SUGCT: variants seen among roughly 807,000 people sequenced by gnomAD.
SUGCT encodes the protein succinyl-CoA:glutarate CoA-transferase.
In SUGCT, 41 loss-of-function variants were observed where a neutral mutation model predicts 55.0. The ratio of observed to expected loss-of-function variants is 0.74; its 90% confidence interval spans 0.58 to 0.97. SUGCT has a LOEUF of 0.97. Among genes scored for constraint, SUGCT ranks in the 50% least tolerant of loss-of-function variants. The probability of loss-of-function intolerance (pLI) is 0.00; values close to 1 mark genes in which losing one functional copy is unlikely to be tolerated. For missense variants in SUGCT, 568 were observed against 547.8 expected (o/e 1.04, Z -0.37); for synonymous variants, 187 against 200.4 (o/e 0.93, Z 0.56).
chr7:40,456,072 A>T (rs567299920), intron 10 of SUGCT, among the ~76,000 whole-genome samples: 1 of 151,928 alleles, frequency 6.6e-6, no homozygotes, highest in African/African-American at 2.4e-5. Flanking sequence ...ATTGCCCAGG[A>T]TGGAGTGTAG....
chr7:40,189,370 C>G (rs1295626983), intron 4 of SUGCT, among the ~76,000 whole-genome samples, 174 bp from the exon 5 acceptor site: 3 of 140,536 alleles, frequency 2.1e-5, no homozygotes, highest in African/African-American at 8.1e-5. Context: ...AAAAGAAAAA[C>G]TTTTATGATA....
At chr7:40,633,701 C>T (rs1249449507) in intron 12 of SUGCT, among the ~76,000 whole-genome samples, 1 of 152,142 alleles carries the variant, frequency 6.6e-6, no homozygotes, top group South Asian at 2.1e-4. Flanking sequence ...GATTTAAAGG[C>T]TCATAAAGGT....
At chr7:40,971,656 A>G in the SUGCT span, among the ~76,000 whole-genome samples, 1 of 152,158 alleles carries the variant, frequency 6.6e-6, no homozygotes, top group African/African-American at 2.4e-5. Flanking sequence ...GGCACCTCAG[A>G]TTCTAAATGT....
intron 12 of SUGCT, among the ~76,000 whole-genome samples, chr7:40,650,469 A>G (rs1167602760): frequency 1.3e-5 from 2 of 152,104 alleles, no homozygotes; most frequent in Admixed American, 6.5e-5. Flanking sequence ...GAGGAATCCA[A>G]CACTAAAGGT....
intron 8 of SUGCT, among the ~76,000 whole-genome samples, chr7:40,300,925 C>T (rs1352656485): frequency 6.6e-6 from 1 of 152,112 alleles, no homozygotes; most frequent in Non-Finnish European, 1.5e-5. Flanking sequence ...AAGTGATGGC[C>T]ATAAAATGGC....
chr7:40,380,624 A>G (rs1784823576), intron 9 of SUGCT, among the ~76,000 whole-genome samples: 1 of 152,086 alleles, frequency 6.6e-6, no homozygotes, highest in Non-Finnish European at 1.5e-5. Flanking sequence ...GGGGGATTTC[A>G]CTGAGAATTA....
chr7:40,453,974 A>C (rs1789331187), intron 10 of SUGCT, among the ~76,000 whole-genome samples: 1 of 152,202 alleles, frequency 6.6e-6, no homozygotes, highest in South Asian at 2.1e-4. Context: ...ATGAAGAAGA[A>C]CCAAAAGGAA....
intron 6 of SUGCT, among the ~76,000 whole-genome samples, chr7:40,195,367 C>T (rs1786201518): frequency 6.6e-6 from 1 of 151,586 alleles, no homozygotes; most frequent in African/African-American, 2.4e-5. Flanking sequence ...GATTACCAGG[C>T]ACGCGCCACC....
At chr7:40,915,274 C>A in the SUGCT span, among the ~76,000 whole-genome samples, 1 of 152,036 alleles carries the variant, frequency 6.6e-6, no homozygotes, top group African/African-American at 2.4e-5. Context: ...GACAGAGCAC[C>A]GGTCTTATCA....
chr7:40,733,465 C>G (rs985122071), intron 12 of SUGCT, among the ~76,000 whole-genome samples: 1 of 152,202 alleles, frequency 6.6e-6, no homozygotes, highest in Non-Finnish European at 1.5e-5. Flanking sequence ...CCCATCCACA[C>G]AAATTCCCAG....
intron 13 of SUGCT, among the ~76,000 whole-genome samples, chr7:40,846,677 C>T (rs1439449855): frequency 6.6e-6 from 1 of 152,144 alleles, no homozygotes; most frequent in Admixed American, 6.5e-5. Context: ...TAATACAGTA[C>T]TGCTTTATAA....
the SUGCT span, among the ~76,000 whole-genome samples, chr7:40,931,324 C>T: frequency 6.6e-6 from 1 of 152,136 alleles, no homozygotes; most frequent in African/African-American, 2.4e-5. Context: ...TTCAGTTTGC[C>T]AGTATTTTAT....
At chr7:40,928,507 T>C in the SUGCT span, among the ~76,000 whole-genome samples, 1 of 152,164 alleles carries the variant, frequency 6.6e-6, no homozygotes, top group African/African-American at 2.4e-5. Flanking sequence ...AAATGATTAT[T>C]CTATATTTGC....
the SUGCT span, among the ~76,000 whole-genome samples, chr7:41,030,722 G>A: frequency 6.6e-6 from 1 of 151,964 alleles, no homozygotes; most frequent in East Asian, 1.9e-4. Flanking sequence ...TTTCTGTTTG[G>A]TCTTTACAGT....
At chr7:40,914,469 G>A in the SUGCT span, among the ~76,000 whole-genome samples, 2 of 151,860 alleles carry the variant, frequency 1.3e-5, no homozygotes, top group Non-Finnish European at 2.9e-5. Context: ...GGGCTTTTCA[G>A]TTTTGTCACC....
chr7:40,890,328 A>AATATTAATATATTTATAATAATATAAAT, the SUGCT span, among the ~76,000 whole-genome samples: 11 of 107,274 alleles, frequency 1.0e-4, no homozygotes, highest in South Asian at 5.7e-4. Flanking sequence ...ATATAATATA[A>AATATTAATATATTTATAATAATATAAAT]ATATTAATAT....
At chr7:40,712,464 T>C (rs1785778074) in intron 12 of SUGCT, among the ~76,000 whole-genome samples, 1 of 152,244 alleles carries the variant, frequency 6.6e-6, no homozygotes, top group Admixed American at 6.5e-5. Flanking sequence ...TGTTATGGGA[T>C]GTTGTGCAAA....
the SUGCT span, among the ~76,000 whole-genome samples, chr7:40,999,962 C>T: frequency 6.6e-6 from 1 of 152,144 alleles, no homozygotes; most frequent in Non-Finnish European, 1.5e-5. Flanking sequence ...GGGCCCCAAG[C>T]ACAGTGCTTC....
intron 1 of SUGCT, among the ~76,000 whole-genome samples, chr7:40,171,419 C>G (rs1009737460): frequency 6.6e-6 from 1 of 152,172 alleles, no homozygotes; most frequent in African/African-American, 2.4e-5. Context: ...CCTGGAGGAA[C>G]CATCTACCTT....
Sources: gnomAD v4.1 joint callset for allele counts (sites outside exome capture counted in the v4.1 genomes callset) on GRCh38, gnomAD v4.1.1 for gene constraint, MANE v1.5 for transcripts, NCBI Gene and HGNC (gene_info 2026-07-23, HGNC 2026-07-21) for gene names.